PDPR: variants seen among roughly 807,000 people sequenced by gnomAD.
PDPR encodes the protein pyruvate dehydrogenase phosphatase regulatory subunit.
In PDPR, 50 loss-of-function variants were observed where a neutral mutation model predicts 102.2. The ratio of observed to expected loss-of-function variants is 0.49; its 90% CI spans 0.39 to 0.62. PDPR has a LOEUF of 0.62. PDPR is among the 20% of genes least tolerant of loss of function. The pLI, the probability that PDPR is intolerant of heterozygous loss-of-function variation, is 0.00. For synonymous variants in PDPR, 259 were observed against 406.0 expected, an observed-to-expected ratio of 0.64 and a Z score of 4.35; for missense variants, 625 against 1,098.2, an observed-to-expected ratio of 0.57 and a Z score of 6.09.
chr16:70,140,847 T>C (rs1418492567), intron 11 of PDPR, among the ~76,000 whole-genome samples: 1 of 151,744 alleles, frequency 6.6e-6, no homozygotes, highest in African/African-American at 2.4e-5. Flanking sequence ...GAAAAGAAAA[T>C]GGGGGAGGGG....
At chr16:70,129,734 C>T (rs1241874751) in intron 6 of PDPR, among the ~76,000 whole-genome samples, 2 of 152,256 alleles carry the variant, frequency 1.3e-5, no homozygotes, top group Admixed American at 6.5e-5. Context: ...GAAGTTTAAT[C>T]CACACCTGAA....
intron 17 of PDPR, among the ~76,000 whole-genome samples, chr16:70,150,091 CT>C (rs59657802): frequency 5.1e-3 from 692 of 136,298 alleles, no homozygotes; most frequent in African/African-American, 0.01. Flanking sequence ...ACCCGGCCGG[CT>C]TTTTTTTTTT....
Position 70,119,599 on chromosome 16 carries a change from T to C in PDPR, c.-32-862T>C, listed in dbSNP as rs1295595575. On this transcript the variant is annotated intron_variant, in intron 2 of 18. Coordinates refer to ENST00000288050, the MANE Select transcript of PDPR (RefSeq NM_017990.5). The stretch of plus-strand genomic sequence containing the variant: ...TGTCTTACCTCAGGGCTTTTGCACA[T>C]GCTCGTCTCAGTGTCTGCCAAATGT... Among the ~76,000 whole-genome samples, 4 of 149,056 alleles carry C rather than the reference T, an allele frequency of 2.7e-5. No homozygotes were observed. The East Asian group carries it at 5.8e-4, about 22-fold the overall frequency.
At chr16:70,119,339 C>T (rs2549083) in intron 2 of PDPR, among the ~76,000 whole-genome samples, 4 of 152,118 alleles carry the variant, frequency 2.6e-5, no homozygotes, top group Non-Finnish European at 2.9e-5. Flanking sequence ...CCCCAACCCC[C>T]CACCGCCAAA....
chr16:70,143,447 GC>G, intron 13 of PDPR, 62 bp from the exon 14 acceptor site: 1 of 1,580,454 alleles, frequency 6.3e-7, no homozygotes, highest in Non-Finnish European at 8.6e-7. Context: ...TGCTGGTGGG[GC>G]CATGTGGCCC....
intron 3 of PDPR, among the ~76,000 whole-genome samples, chr16:70,121,048 C>T (rs527471685): frequency 7.9e-4 from 118 of 150,280 alleles, no homozygotes; most frequent in African/African-American, 2.6e-3. Context: ...CCTTGGCCTC[C>T]CAAAGTGCTG....
intron 9 of PDPR, among the ~76,000 whole-genome samples, chr16:70,132,770 T>G (rs1964673811): frequency 6.6e-6 from 1 of 152,240 alleles, no homozygotes; most frequent in Admixed American, 6.5e-5. Flanking sequence ...ATTACAGATG[T>G]GAGCCACTGT....
At chr16:70,134,987 G>A (rs1412666891) in intron 9 of PDPR, among the ~76,000 whole-genome samples, 1 of 152,178 alleles carries the variant, frequency 6.6e-6, no homozygotes, top group Non-Finnish European at 1.5e-5. Flanking sequence ...ATTTTGGGAG[G>A]CCAAGATGGG....
At chr16:70,119,604 G>A (rs1184555095) in intron 2 of PDPR, among the ~76,000 whole-genome samples, 2 of 148,464 alleles carry the variant, frequency 1.3e-5, no homozygotes, top group Admixed American at 1.3e-4. Context: ...GCACATGCTC[G>A]TCTCAGTGTC....
In PDPR at chr16:70,120,666, C is replaced by A. The variant is rs780015483; in HGVS notation, c.174C>A (p.Ala58=). 31 of 1,613,690 alleles carry A rather than the reference C, an allele frequency of 1.9e-5. No individual in the cohort carries two copies. Among genetic ancestry groups the A allele is most frequent in the Middle Eastern group, 1.6e-4 (1 of 6,082 alleles). ...GTGGAATCACGGGCACTTCTGTGGCCTATCACCTCTCCAAAATGGGGTGGA... is the reference window on the plus strand; with the variant it reads ...GTGGAATCACGGGCACTTCTGTGGCATATCACCTCTCCAAAATGGGGTGGA... ...CGGGITGTSV[A]YHLSKMGWKD... The change falls in exon 3 of 19, where the codon GCC becomes GCA. Residue 58 remains alanine (A), a synonymous_variant. Transcript: ENST00000288050.
intron 9 of PDPR, among the ~76,000 whole-genome samples, chr16:70,134,142 ATTGTTTTGTT>A (rs367695092): frequency 5.9e-5 from 9 of 152,210 alleles, no homozygotes; most frequent in South Asian, 2.1e-4. Flanking sequence ...AGAAAACAGA[ATTGTTTTGTT>A]TTGTTTTGTT....
intron 9 of PDPR, among the ~76,000 whole-genome samples, chr16:70,134,785 CAAA>C (rs373669213): frequency 1.5e-5 from 2 of 137,100 alleles, no homozygotes; most frequent in South Asian, 4.5e-4. Context: ...GACTCCATCT[CAAA>C]AAAAAAAAAA....
At chr16:70,126,908 G>A (rs1283163168) in intron 3 of PDPR, among the ~76,000 whole-genome samples, 1 of 152,198 alleles carries the variant, frequency 6.6e-6, no homozygotes, top group Non-Finnish European at 1.5e-5. Context: ...GCAGAGATGT[G>A]ATCACAGCTC....
chr16:70,137,492 T>C (rs539180967), intron 10 of PDPR, among the ~76,000 whole-genome samples: 16 of 152,330 alleles, frequency 1.1e-4, no homozygotes, highest in South Asian at 6.2e-4. Flanking sequence ...GAAAGTACAA[T>C]GGTGGTTGCC....
chr16:70,162,595 AGCAT>A (rs1967894824), downstream of PDPR: 1 of 152,530 alleles, frequency 6.6e-6, no homozygotes, highest in Admixed American at 6.5e-5. Context: ...GCCACCACAA[AGCAT>A]AAACAGCGTG....
chr16:70,152,259 C>A (rs1280389361), intron 17 of PDPR, among the ~76,000 whole-genome samples: 1 of 152,282 alleles, frequency 6.6e-6, no homozygotes, highest in Non-Finnish European at 1.5e-5. Flanking sequence ...TGGCTCATGT[C>A]TGTAATCCCA....
rs1215601913 is a variant in PDPR, at chr16:70,118,396, C to T, written c.-32-2065C>T. On this transcript the variant is annotated intron_variant, in intron 2 of 18. Transcript: ENST00000288050. ...GAGAGAGGAATAGCTGGGCTCTGAA[C>T]CTGAATACAGACAGAGGTCTGCCTG... Among the ~76,000 whole-genome samples the T allele has an allele frequency of 2.0e-5, 3 of 152,244 alleles. No individual in the cohort carries two copies. The East Asian group carries it at 5.8e-4, about 29-fold the overall frequency.
At chr16:70,124,285 C>T (rs1242013558) in intron 3 of PDPR, among the ~76,000 whole-genome samples, 2 of 152,170 alleles carry the variant, frequency 1.3e-5, no homozygotes, top group Non-Finnish European at 2.9e-5. Flanking sequence ...ATTGCTTGAA[C>T]CTGGGAGGCA....
At chr16:70,148,623 C>G in intron 17 of PDPR, 70 bp downstream of exon 17, 2 of 1,370,492 alleles carry the variant, frequency 1.5e-6, no homozygotes, top group South Asian at 2.5e-5. Flanking sequence ...TTCCCACAAC[C>G]ACTGTGGGGT....
Sources: gnomAD v4.1 joint callset for allele counts (sites outside exome capture counted in the v4.1 genomes callset) on GRCh38, gnomAD v4.1.1 for gene constraint, MANE v1.5 for transcripts, NCBI Gene and HGNC (gene_info 2026-07-23, HGNC 2026-07-21) for gene names.